The following OTOF variants were observed in gnomAD, a reference collection of about 807,000 sequenced individuals.
OTOF encodes fer-1-like family member 2.
In OTOF, 218 loss-of-function variants were observed where a neutral mutation model predicts 236.8. The observed-to-expected ratio is 0.92, with a 90% CI of 0.82 to 1.03. The LOEUF (loss-of-function observed/expected upper bound fraction) is 1.03. Ranked by LOEUF, OTOF falls within the 50% of genes least tolerant of loss-of-function variation. The pLI is 0.00. For missense variants in OTOF, 2,590 were observed against 2,694.4 expected (o/e 0.96, Z 0.86); for synonymous variants, 1,041 against 1,072.5 (o/e 0.97, Z 0.57).
At chr2:26,502,094 G>A (rs1666127311) in intron 7 of OTOF, among the ~76,000 whole-genome samples, 2 of 152,200 alleles carry the variant, frequency 1.3e-5, no homozygotes, top group South Asian at 4.1e-4. Flanking sequence ...AAGGACCTGA[G>A]AACAGGCCTG....
At chr2:26,506,727 C>CG (rs928611571) in intron 5 of OTOF, among the ~76,000 whole-genome samples, 4 of 152,192 alleles carry the variant, frequency 2.6e-5, no homozygotes, top group Non-Finnish European at 4.4e-5. Flanking sequence ...TGGTCCGGTG[C>CG]GGTGACTCAC....
chr2:26,530,052 C>T (rs940771888), intron 2 of OTOF, among the ~76,000 whole-genome samples: 5 of 151,934 alleles, frequency 3.3e-5, no homozygotes, highest in African/African-American at 4.8e-5. Flanking sequence ...TCAGCCAGGG[C>T]GCTGTGTGGG....
chr2:26,529,182 G>A (rs927817080), intron 2 of OTOF, among the ~76,000 whole-genome samples: 2 of 152,182 alleles, frequency 1.3e-5, no homozygotes, highest in African/African-American at 4.8e-5. Context: ...GACTGGAGTA[G>A]GAAGCCCTTC....
chr2:26,536,435 C>T (rs937149560), intron 2 of OTOF, among the ~76,000 whole-genome samples: 5 of 152,096 alleles, frequency 3.3e-5, no homozygotes, highest in African/African-American at 9.7e-5. Context: ...CCAGGGAGGT[C>T]GTGGCAACTG....
chr2:26,472,232 G>T, intron 30 of OTOF: 3 of 463,630 alleles, frequency 6.5e-6, no homozygotes, highest in Non-Finnish European at 1.2e-5. Flanking sequence ...ACGCATGCAC[G>T]CACAAATGCA....
In OTOF at chr2:26,467,325, C is replaced by G. The variant is rs373866176; in HGVS notation, c.4227+40G>C. The stretch of plus-strand genomic sequence containing the variant: ...GGATCACTGCGCCCCCCTCTTCCCG[C>G]CCCCACACACCCTAGAAGGGTCTGC... On this transcript the variant is annotated intron_variant, in intron 34 of 46. Transcript: ENST00000272371. The G allele has an allele frequency of 1.2e-3, 1,935 of 1,613,654 alleles. 14 individuals carry two copies. Among genetic ancestry groups the G allele is most frequent in the Non-Finnish European group, 5.6e-4 (661 of 1,179,992 alleles).
chr2:26,552,256 G>A (rs1233325984), intron 1 of OTOF, among the ~76,000 whole-genome samples: 1 of 152,126 alleles, frequency 6.6e-6, no homozygotes, highest in Non-Finnish European at 1.5e-5. Context: ...TGAGCATGGT[G>A]GTGCGTGCCT....
At chr2:26,515,190 A>G (rs1374047316) in intron 5 of OTOF, among the ~76,000 whole-genome samples, 1 of 152,206 alleles carries the variant, frequency 6.6e-6, no homozygotes. Context: ...AGACTTGCCA[A>G]GGGTCACACG....
In OTOF at chr2:26,461,945, C is replaced by T. The variant is rs376238464; in HGVS notation, c.5292-8G>A. On this transcript the variant is annotated splice_polypyrimidine_tract_variant and splice_region_variant and intron_variant, in intron 42 of 46. Transcript: ENST00000272371. This position sits in a 1 kb window ranked among gnomAD's most constrained non-coding sequence, Gnocchi z 6.2. ...TGCTGGCCCTTCAGCCACCTGTGGG[C>T]GCCACATCTCCAGACCCGCAGCCAG... 3.9e-5 allele frequency: 63 copies of T among 1,614,018 alleles called. No individual in the cohort carries two copies. The highest frequency in any genetic ancestry group is 6.7e-5 in the African/African-American group (5 of 74,986).
intron 8 of OTOF, among the ~76,000 whole-genome samples, chr2:26,500,392 C>T (rs1264559603): frequency 6.6e-6 from 1 of 152,174 alleles, no homozygotes; most frequent in Non-Finnish European, 1.5e-5. Context: ...TTGATGTGTC[C>T]TTACCTCTTA....
chr2:26,526,921 G>C (rs1316050959), intron 3 of OTOF, among the ~76,000 whole-genome samples: 1 of 152,066 alleles, frequency 6.6e-6, no homozygotes, highest in East Asian at 1.9e-4. Context: ...AAATTACTGG[G>C]ATCAAATGAT....
chr2:26,463,488 G>T lies in OTOF; in HGVS notation c.5187C>A (p.Pro1729=). ...GTPLDISPRK[P]KKYELRVIIW... is the part of the protein sequence containing the mutation. ...CTGGGCCCCAGGCCGCTCACTTCTT[G>T]GGCTTCCGAGGTGAGATGTCCAGAG... Residue 1729 remains proline, a synonymous_variant, in exon 41 of 47, where the codon CCC becomes CCA. Transcript: ENST00000272371. 6.2e-7 allele frequency: 1 copy of T among 1,601,588 alleles called. No individual in the cohort carries two copies. The highest frequency in any genetic ancestry group is 8.5e-7 in the Non-Finnish European group (1 of 1,174,268).
At chr2:26,493,756 G>A (rs767197979) in intron 9 of OTOF, among the ~76,000 whole-genome samples, 29 of 152,122 alleles carry the variant, frequency 1.9e-4, no homozygotes, top group Admixed American at 5.9e-4. Flanking sequence ...GAAGGGGAGC[G>A]GGGTATAACC....
Position 26,475,981 on chromosome 2 carries a change from G to A in OTOF, c.2924C>T (p.Ala975Val), listed in dbSNP as rs909276883. The change falls in exon 24 of 47, where the codon GCC becomes GTC. Residue 975 changes from alanine (A) to valine (V), a missense_variant. Transcript: ENST00000272371. ...GGGGTCTGAGAGTCCGCTGCTGTCG[G>A]CGGCAAAGAGGCTGCGGGCCTGGTA... ...HMYQARSLFAADSSGLSDPFA... is the reference protein window; with the variant it reads ...HMYQARSLFAVDSSGLSDPFA... 6.2e-7 allele frequency: 1 copy of A among 1,612,660 alleles called. No individual in the cohort carries two copies. Among genetic ancestry groups the A allele is most frequent in the Non-Finnish European group, 8.5e-7 (1 of 1,179,910 alleles).
Position 26,480,895 on chromosome 2 carries a change from A to G in OTOF, c.1694T>C (p.Phe565Ser), listed in dbSNP as rs1310233073. Residue 565 changes from phenylalanine (F) to serine (S), a missense_variant, in exon 15 of 47, where the codon TTC becomes TCC. Transcript: ENST00000272371. The stretch of plus-strand genomic sequence containing the variant: ...CAGGCCCAGCAGGAGCCGGGCCCGG[A>G]AGGACACACCCTCCCCCAGGCCCTC... ...LNEGLGEGVS[F>S]RARLLLGLAV... is the part of the protein sequence containing the mutation. 4 of 1,612,812 alleles carry G rather than the reference A, an allele frequency of 2.5e-6. No individual in the cohort carries two copies. Among genetic ancestry groups the G allele is most frequent in the Non-Finnish European group, 3.4e-6 (4 of 1,179,952 alleles).
At chr2:26,529,702 C>T (rs920913600) in intron 2 of OTOF, among the ~76,000 whole-genome samples, 2 of 150,814 alleles carry the variant, frequency 1.3e-5, no homozygotes, top group African/African-American at 2.4e-5. Context: ...CTCAGGAAAA[C>T]GGCCTTTGTG....
chr2:26,457,229 GA>G lies in OTOF; in HGVS notation c.*1008del. 1 of 152,688 alleles carries G rather than the reference GA, an allele frequency of 6.5e-6. No homozygotes were observed. The highest frequency in any genetic ancestry group is 1.5e-5 in the Non-Finnish European group (1 of 68,310). The allele number at this position is 152,688 out of a possible 1,614,324, so 9.5% of individuals were successfully genotyped here. On this transcript the variant is annotated 3_prime_UTR_variant, in exon 47 of 47. Transcript: ENST00000272371. The surrounding 1 kb of genome is among the most constrained non-coding windows in gnomAD (Gnocchi z 4.4). ...CAGTGCTTGACTTCTTTTATTTAGA[GA>G]AAAATCACCACTCAAGAAAAGAAAA...
chr2:26,485,029 C>G (rs1665668056), intron 11 of OTOF, among the ~76,000 whole-genome samples: 1 of 152,204 alleles, frequency 6.6e-6, no homozygotes, highest in Non-Finnish European at 1.5e-5. Context: ...CCATCTTCAG[C>G]CCCTCTGGGG....
At chr2:26,525,368 C>T (rs1260516142) in intron 3 of OTOF, among the ~76,000 whole-genome samples, 1 of 152,196 alleles carries the variant, frequency 6.6e-6, no homozygotes. Context: ...CCACTCTTTG[C>T]TCACCCTCTC....
Sources: allele counts gnomAD v4.1 joint callset (sites outside exome capture counted in the v4.1 genomes callset), GRCh38; gene constraint gnomAD v4.1.1; non-coding constraint Gnocchi (gnomAD v3.1); transcripts MANE v1.5; gene names NCBI Gene and HGNC (gene_info 2026-07-23, HGNC 2026-07-21).